Variants in FAM193A observed in about 807,000 individuals in gnomAD.
FAM193A encodes the protein protein FAM193A.
FAM193A carries 22 observed loss-of-function variants against 126.5 expected under a neutral mutation model. The ratio of observed to expected loss-of-function variants is 0.17; its 90% CI spans 0.12 to 0.25. FAM193A has a LOEUF of 0.25. Among genes scored for constraint, FAM193A ranks in the 10% least tolerant of loss-of-function variants. The pLI is 1.00. For missense variants in FAM193A, 1,675 were observed against 1,672.8 expected, an observed-to-expected ratio of 1.00 and a Z score of -0.02; for synonymous variants, 761 against 646.8, an observed-to-expected ratio of 1.18 and a Z score of -2.68.
chr4:2,566,681 C>G (rs1217681170), intron 1 of FAM193A, among the ~76,000 whole-genome samples: 1 of 151,924 alleles, frequency 6.6e-6, no homozygotes, highest in Non-Finnish European at 1.5e-5. Flanking sequence ...GAGTGAGACT[C>G]TGTCTCAAAA....
chr4:2,547,459 C>T (rs2108812771), intron 1 of FAM193A, among the ~76,000 whole-genome samples: 1 of 152,040 alleles, frequency 6.6e-6, no homozygotes, highest in East Asian at 1.9e-4. Flanking sequence ...ACTATGTTGC[C>T]CAGGCTGGTG....
At position 2,704,313 on chromosome 4, in the gene FAM193A, C is replaced by T. The variant is rs182429253; in HGVS notation, c.4372+3769C>T. 2.3e-3 allele frequency among the ~76,000 whole-genome samples: 347 copies of T among 150,940 alleles called. 1 individual carries two copies. The highest frequency in any genetic ancestry group is 8.0e-3 in the African/African-American group (329 of 41,198). On this transcript the variant is annotated intron_variant, in intron 19 of 20. Transcript: ENST00000637812. The stretch of plus-strand genomic sequence containing the variant: ...GGGCATGGTGGCTCACATCCATAAT[C>T]CCAGCATTTTGAGAGGCCAAGACAG...
At position 2,693,798 on chromosome 4, in the gene FAM193A, A is replaced by G. The variant is rs369925254; in HGVS notation, c.3016A>G (p.Thr1006Ala). ...AACCACAACTCCTGGGTTTGTGGAC[A>G]CACGCAAGAGTTTCTGTCCTGCACC... ...TATTTPGFVD[T>A]RKSFCPAPLP... is the part of the protein sequence containing the mutation. The change falls in exon 16 of 21, where the codon ACA (threonine) becomes GCA (alanine). Residue 1006 changes from threonine (T) to alanine (A), a missense_variant. By Grantham distance (58) the Thr-to-Ala change is moderately conservative. This residue lies in a region of FAM193A where 1,186 missense variants were observed against 1,109.2 expected (regional missense o/e 1.07). Transcript: ENST00000637812. 5.6e-6 allele frequency: 9 copies of G among 1,614,124 alleles called. No homozygotes were observed. The highest frequency in any genetic ancestry group is 6.8e-6 in the Non-Finnish European group (8 of 1,180,052).
At chr4:2,716,509 C>T (rs868076268) in intron 20 of FAM193A, among the ~76,000 whole-genome samples, 1 of 152,182 alleles carries the variant, frequency 6.6e-6, no homozygotes, top group Non-Finnish European at 1.5e-5. Flanking sequence ...TCTTGACAGC[C>T]TTCCGGGTGA....
At chr4:2,552,362 G>T (rs1189026058) in intron 1 of FAM193A, among the ~76,000 whole-genome samples, 2 of 151,026 alleles carry the variant, frequency 1.3e-5, no homozygotes, top group Non-Finnish European at 2.9e-5. Context: ...TGTTGCTCAC[G>T]CTGGTGTTTA....
chr4:2,546,149 A>G (rs1358321940), intron 1 of FAM193A, among the ~76,000 whole-genome samples: 1 of 147,566 alleles, frequency 6.8e-6, no homozygotes, highest in African/African-American at 2.6e-5. Flanking sequence ...CTCCGCCTCA[A>G]AAAAAAAAAA....
intron 5 of FAM193A, among the ~76,000 whole-genome samples, chr4:2,638,326 T>C (rs1744290442): frequency 6.6e-6 from 1 of 152,240 alleles, no homozygotes; most frequent in Admixed American, 6.5e-5. Context: ...CTGGGCAGCA[T>C]GGGCTTGGCA....
At chr4:2,675,311 T>G (rs773166569) in intron 13 of FAM193A, among the ~76,000 whole-genome samples, 4 of 152,218 alleles carry the variant, frequency 2.6e-5, no homozygotes, top group African/African-American at 7.2e-5. Flanking sequence ...TTTTGACTGA[T>G]TCTCTGCCTG....
At chr4:2,663,800 C>T (rs944518832) in intron 12 of FAM193A, among the ~76,000 whole-genome samples, 1 of 152,162 alleles carries the variant, frequency 6.6e-6, no homozygotes, top group Non-Finnish European at 1.5e-5. Flanking sequence ...AACCCCGTCT[C>T]TACTAAAAAT....
intron 1 of FAM193A, among the ~76,000 whole-genome samples, chr4:2,542,365 C>G (rs903251560): frequency 3.9e-5 from 6 of 151,990 alleles, no homozygotes; most frequent in Non-Finnish European, 7.4e-5. Flanking sequence ...GTCTCGAACT[C>G]CTGACCTCAA....
chr4:2,674,315 A>G (rs1157372854), intron 13 of FAM193A, among the ~76,000 whole-genome samples: 3 of 152,220 alleles, frequency 2.0e-5, no homozygotes, highest in Admixed American at 6.5e-5. Context: ...TCTGTGCCTA[A>G]ATGCATAATG....
intron 5 of FAM193A, among the ~76,000 whole-genome samples, chr4:2,637,887 A>G (rs1397471379): frequency 1.3e-5 from 2 of 152,210 alleles, no homozygotes; most frequent in Non-Finnish European, 2.9e-5. Flanking sequence ...GTAAACTCCA[A>G]GTTGATTTCC....
At chr4:2,556,855 G>T (rs1316341719) in intron 1 of FAM193A, among the ~76,000 whole-genome samples, 2 of 152,142 alleles carry the variant, frequency 1.3e-5, no homozygotes, top group Non-Finnish European at 2.9e-5. Context: ...TGAGCACCAT[G>T]TTAGATAGAG....
intron 1 of FAM193A, among the ~76,000 whole-genome samples, chr4:2,541,891 C>T (rs565047034): frequency 3.0e-4 from 45 of 152,032 alleles, no homozygotes; most frequent in South Asian, 2.1e-3. Context: ...AGTGCAGTGG[C>T]GCCATCTCGG....
chr4:2,683,563 G>A (rs1214212840), intron 13 of FAM193A, among the ~76,000 whole-genome samples: 2 of 152,220 alleles, frequency 1.3e-5, no homozygotes, highest in African/African-American at 4.8e-5. Flanking sequence ...ATAGTGCTGA[G>A]ATTACAGGCA....
At chr4:2,556,651 C>G (rs538751685) in intron 1 of FAM193A, among the ~76,000 whole-genome samples, 2 of 152,162 alleles carry the variant, frequency 1.3e-5, no homozygotes, top group Non-Finnish European at 2.9e-5. Context: ...CACAGCACTC[C>G]CGCCTGAGTG....
At position 2,699,445 on chromosome 4, in the gene FAM193A, C is replaced by CCT. The variant is rs1553912489; in HGVS notation, c.3508-234_3508-233insTC. Among the ~76,000 whole-genome samples the CCT allele has an allele frequency of 9.2e-5, 8 of 87,218 alleles. 2 individuals carry two copies. The South Asian group carries it at 4.0e-3, about 44-fold the overall frequency. 57.2% of individuals were successfully genotyped at this position (87,218 alleles called of 152,430 possible). On this transcript the variant is annotated intron_variant, in intron 18 of 20. Coordinates refer to ENST00000637812, the MANE Select transcript of FAM193A (RefSeq NM_001366318.2). ...TTTTTTGTTAACTACCACCCCCCCC[C>CCT]CCACACACACACACACAAATAAGTA...
chr4:2,698,639 A>G (rs1717317484), intron 18 of FAM193A, among the ~76,000 whole-genome samples: 1 of 152,214 alleles, frequency 6.6e-6, no homozygotes, highest in African/African-American at 2.4e-5. Flanking sequence ...TCTAGGAGAA[A>G]TGCTTTTGGC....
At chr4:2,546,971 A>G (rs777043933) in intron 1 of FAM193A, among the ~76,000 whole-genome samples, 27 of 152,084 alleles carry the variant, frequency 1.8e-4, no homozygotes, top group Non-Finnish European at 3.1e-4. Context: ...TTTAGTAGAG[A>G]TGGGGTTTTG....
Sources: allele counts gnomAD v4.1 joint callset (sites outside exome capture counted in the v4.1 genomes callset), GRCh38; gene constraint gnomAD v4.1.1; regional missense constraint gnomAD v4.1.1; transcripts MANE v1.5; gene names NCBI Gene and HGNC (gene_info 2026-07-23, HGNC 2026-07-21).